Variants in RAB3C observed in about 807,000 individuals in gnomAD.
The protein encoded by RAB3C is ras-related protein Rab-3C.
RAB3C carries 17 observed loss-of-function variants against 26.4 expected under a neutral mutation model. The observed-to-expected ratio is 0.64, with a 90% confidence interval of 0.44 to 0.97. RAB3C has a LOEUF of 0.97. RAB3C is among the 50% of genes least tolerant of loss of function. The probability of loss-of-function intolerance (pLI) is 0.00; values close to 1 mark genes in which losing one functional copy is unlikely to be tolerated. For missense variants in RAB3C, 242 were observed against 281.9 expected (o/e 0.86, Z 1.01); for synonymous variants, 91 against 95.9 (o/e 0.95, Z 0.30).
chr5:58,768,220 C>T (rs1038276644), intron 3 of RAB3C, among the ~76,000 whole-genome samples: 1 of 152,144 alleles, frequency 6.6e-6, no homozygotes, highest in Non-Finnish European at 1.5e-5. Flanking sequence ...GGAGCATCCT[C>T]AATCACCTAG....
At chr5:58,789,616 G>T (rs926292173) in intron 3 of RAB3C, among the ~76,000 whole-genome samples, 1 of 152,144 alleles carries the variant, frequency 6.6e-6, no homozygotes, top group African/African-American at 2.4e-5. Context: ...CAGTTAATGA[G>T]TGGAGGAGAC....
At chr5:58,627,471 TAAAAAAAAAAA>T (rs58104232) in intron 2 of RAB3C, among the ~76,000 whole-genome samples, 7 of 68,420 alleles carry the variant, frequency 1.0e-4, no homozygotes, top group Admixed American at 1.6e-4. Context: ...GACTCCGTCT[TAAAAAAAAAAA>T]AAAAAAAAAA....
chr5:58,804,355 G>A (rs1554019716), intron 3 of RAB3C, among the ~76,000 whole-genome samples: 2 of 152,088 alleles, frequency 1.3e-5, no homozygotes, highest in Non-Finnish European at 2.9e-5. Flanking sequence ...CCTCCCCCAG[G>A]CCTCTAATCT....
chr5:58,599,030 A>G (rs1263879403), intron 1 of RAB3C, among the ~76,000 whole-genome samples: 1 of 152,116 alleles, frequency 6.6e-6, no homozygotes, highest in East Asian at 1.9e-4. Flanking sequence ...ACTGCAGCTT[A>G]GGATAGGTAA....
chr5:58,660,905 A>C (rs1348246991), intron 2 of RAB3C, among the ~76,000 whole-genome samples: 1 of 150,190 alleles, frequency 6.7e-6, no homozygotes, highest in Non-Finnish European at 1.5e-5. Flanking sequence ...AGTGAGTCAT[A>C]GGACCCATCT....
At chr5:58,591,812 CT>C (rs1202136624) in intron 1 of RAB3C, among the ~76,000 whole-genome samples, 1 of 145,160 alleles carries the variant, frequency 6.9e-6, no homozygotes, top group Non-Finnish European at 1.5e-5. Flanking sequence ...CTTTTTCTTT[CT>C]CTGTTTCGTT....
intron 2 of RAB3C, among the ~76,000 whole-genome samples, chr5:58,705,017 A>G (rs1166053293): frequency 3.3e-5 from 5 of 152,180 alleles, no homozygotes; most frequent in Admixed American, 6.5e-5. Context: ...TGTTATATTC[A>G]GAGACAATTT....
intron 4 of RAB3C, among the ~76,000 whole-genome samples, chr5:58,837,923 G>A (rs1174867381): frequency 6.6e-6 from 1 of 152,132 alleles, no homozygotes; most frequent in African/African-American, 2.4e-5. Context: ...TTCTTCAAAT[G>A]TATTGGCATA....
At chr5:58,845,560 G>A (rs1006034529) in intron 4 of RAB3C, among the ~76,000 whole-genome samples, 2 of 140,682 alleles carry the variant, frequency 1.4e-5, no homozygotes, top group South Asian at 2.2e-4. Context: ...TAAGGGCAAC[G>A]TACATTCTCA....
At chr5:58,817,169 G>A (rs1440513342) in intron 3 of RAB3C, 2 of 152,176 alleles carry the variant, frequency 1.3e-5, no homozygotes, top group Admixed American at 6.5e-5. Flanking sequence ...AGTAAGAACT[G>A]TAATACAGCC....
intron 2 of RAB3C, among the ~76,000 whole-genome samples, chr5:58,668,660 G>A (rs1166937790): frequency 6.6e-6 from 1 of 152,046 alleles, no homozygotes; most frequent in Admixed American, 6.6e-5. Flanking sequence ...CTAGTTTAAG[G>A]TAATAATTTA....
intron 3 of RAB3C, among the ~76,000 whole-genome samples, chr5:58,777,459 C>T (rs1742168864): frequency 6.6e-6 from 1 of 152,070 alleles, no homozygotes; most frequent in Admixed American, 6.6e-5. Context: ...TTTTAAGAAG[C>T]TTTACCAAAT....
chr5:58,723,060 G>A (rs1198333411), intron 2 of RAB3C, among the ~76,000 whole-genome samples: 5 of 151,526 alleles, frequency 3.3e-5, no homozygotes, highest in Middle Eastern at 3.4e-3. Flanking sequence ...TCTTAGCACC[G>A]TTTTACATAT....
At chr5:58,709,294 C>G (rs912580030) in intron 2 of RAB3C, among the ~76,000 whole-genome samples, 14 of 152,134 alleles carry the variant, frequency 9.2e-5, no homozygotes, top group Admixed American at 9.2e-4. Context: ...AAGCAGCACC[C>G]AAAGTGACAG....
chr5:58,832,852 T>C (rs940398754), intron 4 of RAB3C, among the ~76,000 whole-genome samples: 7 of 152,148 alleles, frequency 4.6e-5, no homozygotes, highest in Non-Finnish European at 8.8e-5. Context: ...AATCAAAAAC[T>C]CGGGCTTTGT....
chr5:58,813,679 T>C (rs1157944362), intron 3 of RAB3C, among the ~76,000 whole-genome samples: 1 of 149,718 alleles, frequency 6.7e-6, no homozygotes, highest in Non-Finnish European at 1.5e-5. Flanking sequence ...ACAGCTTTTA[T>C]CCAAATATAA....
intron 1 of RAB3C, among the ~76,000 whole-genome samples, chr5:58,589,722 A>G (rs1477431170): frequency 6.6e-6 from 1 of 152,190 alleles, no homozygotes; most frequent in African/African-American, 2.4e-5. Context: ...TTTGTAACAG[A>G]ATGGACTCCG....
intron 2 of RAB3C, among the ~76,000 whole-genome samples, chr5:58,664,288 G>A (rs944343903): frequency 1.3e-5 from 2 of 152,108 alleles, no homozygotes; most frequent in African/African-American, 4.8e-5. Flanking sequence ...ACAACTGAGC[G>A]ATAAAGAGAA....
At chr5:58,666,861 A>G (rs1460487728) in intron 2 of RAB3C, among the ~76,000 whole-genome samples, 1 of 152,210 alleles carries the variant, frequency 6.6e-6, no homozygotes. Context: ...AACTGGGTGG[A>G]AATATGAAAA....
Sources: gnomAD v4.1 joint callset for allele counts (sites outside exome capture counted in the v4.1 genomes callset) on GRCh38, gnomAD v4.1.1 for gene constraint, MANE v1.5 for transcripts, NCBI Gene and HGNC (gene_info 2026-07-23, HGNC 2026-07-21) for gene names.